Variants in PHC2 observed in about 807,000 individuals in gnomAD.
PHC2 encodes polyhomeotic-like protein 2.
Under a neutral mutation model 87.4 loss-of-function variants are expected in PHC2, and 29 were observed. That is an observed-to-expected ratio of 0.33 (90% CI 0.25 to 0.45). The LOEUF is 0.45. Ranked by LOEUF, PHC2 falls within the 20% of genes least tolerant of loss-of-function variation. The probability of loss-of-function intolerance (pLI) is 1.00; values close to 1 mark genes in which losing one functional copy is unlikely to be tolerated. For missense variants in PHC2, 857 were observed against 1,136.7 expected (o/e 0.75, Z 3.54); for synonymous variants, 438 against 461.7 (o/e 0.95, Z 0.66).
At chr1:33,361,205 G>A (rs1647186715) in intron 7 of PHC2, among the ~76,000 whole-genome samples, 1 of 152,224 alleles carries the variant, frequency 6.6e-6, no homozygotes, top group South Asian at 2.1e-4. Flanking sequence ...GGTGCAGTGG[G>A]CAGTGGGGGG....
chr1:33,347,584 G>A (rs899872914), intron 9 of PHC2: 1 of 985,324 alleles, frequency 1.0e-6, no homozygotes, highest in Admixed American at 6.1e-5. Flanking sequence ...AAAGAAGGGG[G>A]TGAAAACAGG....
rs745769042 is a variant in PHC2 at position 33,332,352 on chromosome 1, C to G, written c.1814G>C (p.Gly605Ala). The G allele has an allele frequency of 2.5e-6, 4 of 1,614,138 alleles. No homozygotes were observed. The highest frequency in any genetic ancestry group is 3.4e-6 in the Non-Finnish European group (4 of 1,180,008). Residue 605 changes from glycine to alanine, a missense_variant, in exon 11 of 15, where the codon GGG (glycine) becomes GCG (alanine). This residue lies in a region of PHC2 where 832 missense variants were observed against 1,081.8 expected (regional missense o/e 0.77). Coordinates refer to ENST00000683057, the MANE Select transcript of PHC2 (RefSeq NM_001385109.1). This position sits in a 1 kb window ranked among gnomAD's most constrained non-coding sequence, Gnocchi z 4.2. ...CTGTGGAAGTTTCTCAGGCAGGAACCCCTGTGCATACTTCTTCTTGAGATT... is the reference window on the plus strand; with the variant it reads ...CTGTGGAAGTTTCTCAGGCAGGAACGCCTGTGCATACTTCTTCTTGAGATT... The part of the protein sequence containing the change: ...VGNLKKKYAQ[G>A]FLPEKLPQQD...
At chr1:33,371,557 G>A (rs1647845205) in intron 3 of PHC2, among the ~76,000 whole-genome samples, 1 of 152,146 alleles carries the variant, frequency 6.6e-6, no homozygotes, top group Non-Finnish European at 1.5e-5. Context: ...GCCCCCCACA[G>A]AGAATTTGCA....
At chr1:33,388,710 G>A (rs1398801081) in intron 1 of PHC2, among the ~76,000 whole-genome samples, 1 of 152,204 alleles carries the variant, frequency 6.6e-6, no homozygotes, top group Non-Finnish European at 1.5e-5. Flanking sequence ...CCAGCACCAT[G>A]TGCAGCACAG....
At position 33,349,926 on chromosome 1, in the gene PHC2, C is replaced by T; in HGVS notation, c.1558+4475G>A. Reference sequence around the variant, plus strand: ...GCGAGTCTGGGACGGCTCCCGCGGCCGCCTCCGCCGGGGGCGGGGCGAGGG... The same window carrying T: ...GCGAGTCTGGGACGGCTCCCGCGGCTGCCTCCGCCGGGGGCGGGGCGAGGG... On this transcript the variant is annotated intron_variant, in intron 9 of 14. Transcript: ENST00000683057. The surrounding 1 kb of genome is among the most constrained non-coding windows in gnomAD (Gnocchi z 4.2). 4 of 907,138 alleles carry T rather than the reference C, an allele frequency of 4.4e-6. No individual in the cohort carries two copies. Among genetic ancestry groups the T allele is most frequent in the Non-Finnish European group, 5.3e-6 (4 of 761,890 alleles). The allele number at this position is 907,138 out of a possible 1,614,324, so 56.2% of individuals were successfully genotyped here. A position where few individuals can be genotyped will look rare whatever the true frequency, so the allele number is the denominator to read the frequency against.
intron 3 of PHC2, 40 bp from the exon 4 acceptor site, chr1:33,371,134 TC>T: frequency 1.3e-6 from 2 of 1,518,842 alleles, no homozygotes; most frequent in Non-Finnish European, 9.1e-7. Context: ...GTCCCAGACC[TC>T]CCCCAGTCAC....
chr1:33,384,299 G>A (rs1241594492), intron 1 of PHC2, among the ~76,000 whole-genome samples: 2 of 152,156 alleles, frequency 1.3e-5, no homozygotes, highest in African/African-American at 4.8e-5. Context: ...TGATGCTGAT[G>A]AAGCATGAGA....
chr1:33,385,897 T>A (rs1000806873), intron 1 of PHC2, among the ~76,000 whole-genome samples: 1 of 151,732 alleles, frequency 6.6e-6, no homozygotes, highest in Non-Finnish European at 1.5e-5. Flanking sequence ...CCCAGGTTCA[T>A]GCAATTCTCC....
intron 9 of PHC2, among the ~76,000 whole-genome samples, chr1:33,340,064 C>T (rs564534971): frequency 6.6e-6 from 1 of 152,188 alleles, no homozygotes; most frequent in African/African-American, 2.4e-5. Flanking sequence ...GGAGACCAAA[C>T]GGAGCTTTTC....
rs1301796731 is a variant in PHC2, at chr1:33,368,866, G to C, written c.577-244C>G. ...AGAGGCTCGTTGCATCCTGACCCAG[G>C]CTGGGTGCAGGGGTGGGTGGGGAGA... On this transcript the variant is annotated intron_variant, in intron 5 of 14. Transcript: ENST00000683057. The surrounding 1 kb of genome is among the most constrained non-coding windows in gnomAD (Gnocchi z 6.6). Among the ~76,000 whole-genome samples, 1 of 152,126 alleles carries C rather than the reference G, an allele frequency of 6.6e-6. No individual in the cohort carries two copies. Among genetic ancestry groups the C allele is most frequent in the African/African-American group, 2.4e-5 (1 of 41,406 alleles).
chr1:33,355,599 T>G (rs1647056353), intron 7 of PHC2, among the ~76,000 whole-genome samples: 2 of 152,240 alleles, frequency 1.3e-5, no homozygotes, highest in African/African-American at 4.8e-5. Flanking sequence ...TGACATGCTC[T>G]CGCTCTCCTC....
Position 33,364,359 on chromosome 1 carries a change from G to C in PHC2, c.976+2757C>G, listed in dbSNP as rs1375353020. Among the ~76,000 whole-genome samples, 12 of 145,722 alleles carry C rather than the reference G, an allele frequency of 8.2e-5. No homozygotes were observed. Among genetic ancestry groups the C allele is most frequent in the Non-Finnish European group, 1.4e-4 (9 of 66,360 alleles). On this transcript the variant is annotated intron_variant, in intron 7 of 14. Transcript: ENST00000683057. The surrounding 1 kb of genome is among the most constrained non-coding windows in gnomAD (Gnocchi z 4.1). ...GCGCTCGCTTGCTTTCTCTCTCCCA[G>C]ACACACACACACACACACACACACT...
intron 4 of PHC2, 45 bp downstream of exon 4, chr1:33,370,972 G>T: frequency 6.6e-7 from 1 of 1,524,836 alleles, no homozygotes; most frequent in Non-Finnish European, 9.1e-7. Flanking sequence ...GGGCATTTTG[G>T]TCCTGGGGCT....
chr1:33,399,656 T>A (rs1039293969), intron 1 of PHC2, among the ~76,000 whole-genome samples: 1 of 152,154 alleles, frequency 6.6e-6, no homozygotes, highest in African/African-American at 2.4e-5. Context: ...TCCACTCTTT[T>A]GAAATTTCTA....
Position 33,331,545 on chromosome 1 carries a change from T to C in PHC2, c.1892-83A>G. On this transcript the variant is annotated intron_variant, in intron 11 of 14. Coordinates refer to ENST00000683057, the MANE Select transcript of PHC2 (RefSeq NM_001385109.1). This position sits in a 1 kb window ranked among gnomAD's most constrained non-coding sequence, Gnocchi z 5.2. ...CAGCCCCACCACGGGGCCTCCCTAC[T>C]CCATCCTGCCTGGTCCTCCTGCTCC... 1 of 763,436 alleles carries C rather than the reference T, an allele frequency of 1.3e-6. No individual in the cohort carries two copies. The highest frequency in any genetic ancestry group is 2.3e-6 in the Non-Finnish European group (1 of 432,222). 47.3% of individuals were successfully genotyped at this position (763,436 alleles called of 1,614,324 possible).
chr1:33,411,854 C>T (rs1156551528), intron 1 of PHC2, among the ~76,000 whole-genome samples: 2 of 152,108 alleles, frequency 1.3e-5, no homozygotes, highest in African/African-American at 2.4e-5. Context: ...CCATTCGCAC[C>T]GGGCCTGATC....
chr1:33,354,739 C>T, intron 8 of PHC2, 99 bp downstream of exon 8: 1 of 1,415,256 alleles, frequency 7.1e-7, no homozygotes, highest in South Asian at 1.3e-5. Context: ...ATGACTTCAC[C>T]CGTCAGCCTA....
At chr1:33,427,433 G>A (rs1174239243) in intron 1 of PHC2, among the ~76,000 whole-genome samples, 1 of 152,178 alleles carries the variant, frequency 6.6e-6, no homozygotes, top group Non-Finnish European at 1.5e-5. Flanking sequence ...CCGCTTGACT[G>A]TGCTGCCTTC....
intron 1 of PHC2, among the ~76,000 whole-genome samples, chr1:33,385,957 C>T (rs1451422575): frequency 2.0e-5 from 3 of 151,786 alleles, no homozygotes; most frequent in Admixed American, 6.6e-5. Flanking sequence ...CCACCACACC[C>T]GGCTAATTTT....
Sources: allele counts gnomAD v4.1 joint callset (sites outside exome capture counted in the v4.1 genomes callset), GRCh38; gene constraint gnomAD v4.1.1; regional missense constraint gnomAD v4.1.1; non-coding constraint Gnocchi (gnomAD v3.1); transcripts MANE v1.5; gene names NCBI Gene and HGNC (gene_info 2026-07-23, HGNC 2026-07-21).